Variants in TNFRSF10D observed in about 807,000 individuals in gnomAD.
TNFRSF10D encodes TNF receptor superfamily member 10d.
A neutral mutation model predicts 42.1 loss-of-function variants in TNFRSF10D; 28 were observed. The observed-to-expected ratio is 0.66, with a 90% CI of 0.49 to 0.91. The LOEUF is 0.91. Ranked by LOEUF, TNFRSF10D falls within the 40% of genes least tolerant of loss-of-function variation. TNFRSF10D has a pLI of 0.00. For missense variants in TNFRSF10D, 503 were observed against 486.1 expected (o/e 1.03, Z -0.33); for synonymous variants, 186 against 189.4 (o/e 0.98, Z 0.15).
intron 1 of TNFRSF10D, among the ~76,000 whole-genome samples, chr8:23,156,055 C>T (rs998114374): frequency 5.3e-4 from 81 of 151,928 alleles, no homozygotes; most frequent in Non-Finnish European, 3.1e-4. Context: ...TAAATGACGA[C>T]GAGAAGACAA....
rs751045516 is a variant in TNFRSF10D at position 23,145,885 on chromosome 8, C to A, written c.519G>T (p.Thr173=). The change falls in exon 5 of 9, where the codon ACG becomes ACT. Residue 173 remains threonine, a synonymous_variant. Coordinates refer to ENST00000312584, the MANE Select transcript of TNFRSF10D (RefSeq NM_003840.5). ...TTTTGCACTTGATGTCACTCCGGGG[C>A]GTACAATTACTGACCTTGACCATCC... is the stretch of plus-strand genomic sequence containing the variant. ...PRGMVKVSNC[T]PRSDIKCKNE... is the part of the protein sequence containing the mutation. 1.2e-6 allele frequency: 2 copies of A among 1,614,138 alleles called. No homozygotes were observed. The highest frequency in any genetic ancestry group is 8.5e-7 in the Non-Finnish European group (1 of 1,180,034).
chr8:23,157,296 T>C (rs969672728), intron 1 of TNFRSF10D, among the ~76,000 whole-genome samples: 2 of 152,228 alleles, frequency 1.3e-5, no homozygotes, highest in Non-Finnish European at 2.9e-5. Context: ...ATTATTATTA[T>C]TTATTTTGAA....
intron 6 of TNFRSF10D, among the ~76,000 whole-genome samples, 184 bp downstream of exon 6, chr8:23,144,874 C>A (rs536427608): frequency 2.0e-4 from 31 of 152,278 alleles, no homozygotes; most frequent in African/African-American, 7.5e-4. Flanking sequence ...GCAGCACGGC[C>A]TGCTGGTCTG....
rs1814365670 is a variant in TNFRSF10D, at chr8:23,137,957, T to C, written c.1074A>G (p.Ala358=). ...DASATLEEGH[A]KETIQDQLVG... ...CCAGTTGGTCCTGAATTGTTTCCTT[T>C]GCATGTCCTTCTTCCAGTGTTGCCG... Residue 358 remains alanine, a synonymous_variant, in exon 9 of 9, where the codon GCA becomes GCG. Coordinates refer to ENST00000312584, the MANE Select transcript of TNFRSF10D (RefSeq NM_003840.5). 2 of 1,614,220 alleles carry C rather than the reference T, an allele frequency of 1.2e-6. No individual in the cohort carries two copies. The highest frequency in any genetic ancestry group is 1.7e-6 in the Non-Finnish European group (2 of 1,180,040).
Position 23,144,632 on chromosome 8 carries a change from G to C in TNFRSF10D, c.772C>G (p.Leu258Val). 3.7e-6 allele frequency: 6 copies of C among 1,612,782 alleles called. No homozygotes were observed. Among genetic ancestry groups the C allele is most frequent in the Non-Finnish European group, 3.4e-6 (4 of 1,179,146 alleles). ...GGGPERVHRV[L>V]FRRRSCPSRV... ...GAAGGACATGAACGCCGCCGGAAAA[G>C]GACCTTGGGAAGACAAAGAGCCCAC... The change falls in exon 7 of 9, where the codon CTT (leucine) becomes GTT (valine). Residue 258 changes from leucine to valine, a missense_variant. Transcript: ENST00000312584.
chr8:23,138,596 G>C (rs1308944304), intron 7 of TNFRSF10D, among the ~76,000 whole-genome samples: 1 of 151,878 alleles, frequency 6.6e-6, no homozygotes, highest in Non-Finnish European at 1.5e-5. Context: ...ACCCTCACAA[G>C]AAATGATCAC....
chr8:23,140,832 A>T (rs1814454015), intron 7 of TNFRSF10D, among the ~76,000 whole-genome samples: 1 of 152,176 alleles, frequency 6.6e-6, no homozygotes, highest in Non-Finnish European at 1.5e-5. Context: ...CTCCCCAGCC[A>T]TGTGGAACTG....
intron 1 of TNFRSF10D, among the ~76,000 whole-genome samples, chr8:23,159,511 A>C (rs1284231068): frequency 6.6e-6 from 1 of 152,092 alleles, no homozygotes; most frequent in East Asian, 1.9e-4. Context: ...GGTCCAATTC[A>C]ATATATAAGT....
In TNFRSF10D at chr8:23,135,823, A is replaced by C. The variant is rs928772579; in HGVS notation, c.*2047T>G. The C allele has an allele frequency of 2.0e-5, 9 of 443,950 alleles. No homozygotes were observed. Among genetic ancestry groups the C allele is most frequent in the Non-Finnish European group, 3.6e-5 (8 of 221,772 alleles). The allele number at this position is 443,950 out of a possible 1,614,324, so 27.5% of individuals were successfully genotyped here. ...TTCAAGGAAGGCCTCTGAGGAAGGG[A>C]CAAAGGAGCTGGGACCGGACTGGCT... On this transcript the variant is annotated 3_prime_UTR_variant, in exon 9 of 9. Transcript: ENST00000312584.
intron 2 of TNFRSF10D, among the ~76,000 whole-genome samples, chr8:23,151,795 C>T (rs1444885431): frequency 3.3e-5 from 5 of 152,024 alleles, no homozygotes; most frequent in Non-Finnish European, 7.4e-5. Context: ...CTGAAAAATC[C>T]CATTTATAAT....
rs61755333 is a variant in TNFRSF10D at position 23,145,884 on chromosome 8, G to A, written c.520C>T (p.Pro174Ser). Residue 174 changes from proline to serine, a missense_variant, in exon 5 of 9, where the codon CCC (proline) becomes TCC (serine). Physicochemically the swap from Pro to Ser is moderately conservative, Grantham distance 74. Coordinates refer to ENST00000312584, the MANE Select transcript of TNFRSF10D (RefSeq NM_003840.5). ...TTTTTGCACTTGATGTCACTCCGGGGCGTACAATTACTGACCTTGACCATC... is the reference window on the plus strand; with the variant it reads ...TTTTTGCACTTGATGTCACTCCGGGACGTACAATTACTGACCTTGACCATC... ...RGMVKVSNCT[P>S]RSDIKCKNES... 7.5e-4 allele frequency: 1,204 copies of A among 1,614,178 alleles called. 1 individual carries two copies. In the South Asian group the frequency reaches 9.8e-3, roughly 13 times the overall value.
chr8:23,155,282 C>A (rs1326881706), intron 1 of TNFRSF10D, among the ~76,000 whole-genome samples: 15 of 150,008 alleles, frequency 1.0e-4, no homozygotes, highest in Non-Finnish European at 1.5e-5. Flanking sequence ...GTTGCCCAGG[C>A]TAGAATGCAG....
At chr8:23,159,200 T>C (rs1487994979) in intron 1 of TNFRSF10D, among the ~76,000 whole-genome samples, 1 of 150,180 alleles carries the variant, frequency 6.7e-6, no homozygotes, top group African/African-American at 2.5e-5. Flanking sequence ...TCCTGGGCTC[T>C]AAGGATGCAC....
intron 1 of TNFRSF10D, among the ~76,000 whole-genome samples, chr8:23,159,909 T>C (rs1451691350): frequency 1.3e-5 from 2 of 151,808 alleles, no homozygotes; most frequent in African/African-American, 2.4e-5. Context: ...ACCTGTCTTA[T>C]GTCAATTTAA....
chr8:23,151,262 G>T (rs1317022863), intron 2 of TNFRSF10D, among the ~76,000 whole-genome samples: 1 of 151,722 alleles, frequency 6.6e-6, no homozygotes, highest in African/African-American at 2.4e-5. Flanking sequence ...AGTACAGAAA[G>T]GAAAAATTCC....
intron 1 of TNFRSF10D, among the ~76,000 whole-genome samples, chr8:23,155,815 TTCTC>T (rs57189946): frequency 3.9e-4 from 59 of 150,100 alleles, no homozygotes; most frequent in African/African-American, 9.5e-4. Flanking sequence ...TGGGTGAATA[TTCTC>T]TCTCTCTCTC....
At chr8:23,155,957 C>T (rs190372846) in intron 1 of TNFRSF10D, among the ~76,000 whole-genome samples, 837 of 151,862 alleles carry the variant, frequency 5.5e-3, no homozygotes, top group African/African-American at 0.017. Context: ...CACAAAGGAC[C>T]TTGACAAGCT....
intron 7 of TNFRSF10D, among the ~76,000 whole-genome samples, chr8:23,144,235 C>CA (rs1324738869): frequency 6.6e-6 from 1 of 152,204 alleles, no homozygotes; most frequent in East Asian, 1.9e-4. Flanking sequence ...GCTCTGGGGA[C>CA]ACAGCAAGGA....
At chr8:23,156,814 G>C (rs1224846617) in intron 1 of TNFRSF10D, among the ~76,000 whole-genome samples, 1 of 152,114 alleles carries the variant, frequency 6.6e-6, no homozygotes, top group Non-Finnish European at 1.5e-5. Context: ...CGTTCTGCCT[G>C]CCTGAGCCTC....
Sources: allele counts gnomAD v4.1 joint callset (sites outside exome capture counted in the v4.1 genomes callset), GRCh38; gene constraint gnomAD v4.1.1; transcripts MANE v1.5; gene names NCBI Gene and HGNC (gene_info 2026-07-23, HGNC 2026-07-21).